C8orf34: variants seen among roughly 807,000 people sequenced by gnomAD.
C8orf34 encodes chromosome 8 open reading frame 34.
C8orf34 carries 65 observed loss-of-function variants against 68.3 expected under a neutral mutation model. The observed-to-expected ratio is 0.95, with a 90% CI of 0.78 to 1.17. The LOEUF is 1.17. C8orf34 is among the 50% of genes most tolerant of loss of function. C8orf34 has a pLI of 0.00. For synonymous variants in C8orf34, 244 were observed against 241.2 expected (o/e 1.01, Z -0.11); for missense variants, 664 against 655.4 (o/e 1.01, Z -0.14).
At chr8:68,588,642 A>C (rs1461775715) in intron 7 of C8orf34, among the ~76,000 whole-genome samples, 2 of 152,182 alleles carry the variant, frequency 1.3e-5, no homozygotes, top group Non-Finnish European at 2.9e-5. Context: ...ATGTGACAAA[A>C]GTCCAATGTG....
intron 7 of C8orf34, among the ~76,000 whole-genome samples, chr8:68,574,934 C>T (rs1563539028): frequency 1.3e-5 from 2 of 151,852 alleles, no homozygotes; most frequent in Non-Finnish European, 2.9e-5. Context: ...CATTTATAGA[C>T]ACTCCCTATT....
intron 9 of C8orf34, among the ~76,000 whole-genome samples, chr8:68,710,936 C>A (rs887616794): frequency 6.6e-6 from 1 of 152,176 alleles, no homozygotes; most frequent in Non-Finnish European, 1.5e-5. Context: ...CTACCTCCCC[C>A]GGGGAAGGTG....
At chr8:68,508,407 A>C (rs2129633120) in intron 5 of C8orf34, among the ~76,000 whole-genome samples, 1 of 152,318 alleles carries the variant, frequency 6.6e-6, no homozygotes, top group African/African-American at 2.4e-5. Context: ...ACTATATCCC[A>C]AAATCAATGG....
chr8:68,738,657 AT>A (rs1822189627), intron 10 of C8orf34, among the ~76,000 whole-genome samples: 1 of 152,018 alleles, frequency 6.6e-6, no homozygotes, highest in Non-Finnish European at 1.5e-5. Flanking sequence ...ATATAAGCAC[AT>A]CTATGCAGAT....
At chr8:68,527,064 A>G (rs1815027553) in intron 6 of C8orf34, among the ~76,000 whole-genome samples, 1 of 152,158 alleles carries the variant, frequency 6.6e-6, no homozygotes, top group East Asian at 1.9e-4. Context: ...TGAGTATATG[A>G]ACACCAAATT....
chr8:68,488,001 A>G (rs1298957258), intron 4 of C8orf34, 22 bp from the exon 5 acceptor site: 12 of 1,564,348 alleles, frequency 7.7e-6, no homozygotes, highest in African/African-American at 4.1e-5. Flanking sequence ...ACTTTTTTTT[A>G]TAAATCTCTT....
chr8:68,661,126 C>T (rs1368167841), intron 8 of C8orf34, among the ~76,000 whole-genome samples: 1 of 152,232 alleles, frequency 6.6e-6, no homozygotes, highest in Non-Finnish European at 1.5e-5. Context: ...ATCCCTGAGA[C>T]TGCCCTGGGG....
intron 8 of C8orf34, among the ~76,000 whole-genome samples, chr8:68,685,401 A>T (rs944245357): frequency 2.0e-5 from 3 of 152,162 alleles, no homozygotes; most frequent in African/African-American, 7.2e-5. Flanking sequence ...TGAACAACTA[A>T]GACTCAAAGT....
chr8:68,361,538 G>A (rs1191786963), intron 1 of C8orf34, among the ~76,000 whole-genome samples: 1 of 152,178 alleles, frequency 6.6e-6, no homozygotes, highest in Non-Finnish European at 1.5e-5. Flanking sequence ...TCGCTCATTA[G>A]GGGAAAATTC....
Position 68,705,111 on chromosome 8 carries a change from G to T in C8orf34, c.1242-3883G>T, listed in dbSNP as rs149238308. ...AGCCATGTGCAATGAGAGGCAGAGT[G>T]ATTCGGAAGATGAGTTTGCTTTTGG... is the stretch of plus-strand genomic sequence containing the variant. On this transcript the variant is annotated intron_variant, in intron 8 of 13. Coordinates refer to ENST00000518698, the MANE Select transcript of C8orf34 (RefSeq NM_052958.4). Among the ~76,000 whole-genome samples the T allele has an allele frequency of 5.4e-4, 82 of 152,300 alleles. 3 individuals carry two copies. In the East Asian group the frequency reaches 0.015, roughly 28 times the overall value.
intron 8 of C8orf34, among the ~76,000 whole-genome samples, chr8:68,665,276 G>A (rs1247984014): frequency 3.3e-5 from 5 of 152,180 alleles, no homozygotes; most frequent in African/African-American, 1.2e-4. Flanking sequence ...CAGGCAGTAG[G>A]CAGCAATGAG....
chr8:68,352,290 A>G (rs1806543647), intron 1 of C8orf34, among the ~76,000 whole-genome samples: 1 of 152,070 alleles, frequency 6.6e-6, no homozygotes, highest in South Asian at 2.1e-4. Context: ...TTACATTATT[A>G]TATTAAAATG....
At chr8:68,743,225 G>A (rs76590494) in intron 10 of C8orf34, among the ~76,000 whole-genome samples, 1 of 152,176 alleles carries the variant, frequency 6.6e-6, no homozygotes, top group Non-Finnish European at 1.5e-5. Context: ...GTATGATGAT[G>A]AATTTATGGA....
chr8:68,433,627 C>T (rs114298956), intron 1 of C8orf34, among the ~76,000 whole-genome samples: 82 of 152,230 alleles, frequency 5.4e-4, no homozygotes, highest in African/African-American at 1.9e-3. Flanking sequence ...GGGTTTTTAA[C>T]CTGAAGTCAT....
At chr8:68,818,081 C>T (rs1355367062) in intron 13 of C8orf34, among the ~76,000 whole-genome samples, 158 bp from the exon 14 acceptor site, 1 of 152,040 alleles carries the variant, frequency 6.6e-6, no homozygotes, top group Non-Finnish European at 1.5e-5. Flanking sequence ...ATATTGGCTG[C>T]AAATATGATT....
At chr8:68,592,600 T>G (rs1296984926) in intron 7 of C8orf34, among the ~76,000 whole-genome samples, 1 of 128,086 alleles carries the variant, frequency 7.8e-6, no homozygotes, top group Non-Finnish European at 1.7e-5. Context: ...TCTCTTCTTT[T>G]TTTTTTTTTT....
intron 5 of C8orf34, among the ~76,000 whole-genome samples, chr8:68,502,910 C>T (rs1813841992): frequency 6.6e-6 from 1 of 152,084 alleles, no homozygotes; most frequent in Non-Finnish European, 1.5e-5. Flanking sequence ...AACTTTAATC[C>T]AGATCTAACT....
At chr8:68,375,735 C>T (rs975434551) in intron 1 of C8orf34, among the ~76,000 whole-genome samples, 1 of 152,184 alleles carries the variant, frequency 6.6e-6, no homozygotes, top group African/African-American at 2.4e-5. Flanking sequence ...CTTACCTTGA[C>T]CTACTGTACT....
chr8:68,599,396 G>A (rs753478472), intron 7 of C8orf34, among the ~76,000 whole-genome samples: 20 of 151,864 alleles, frequency 1.3e-4, no homozygotes, highest in Non-Finnish European at 2.1e-4. Context: ...AATCTTAGCC[G>A]AAAGTAATCT....
Sources: gnomAD v4.1 joint callset for allele counts (sites outside exome capture counted in the v4.1 genomes callset) on GRCh38, gnomAD v4.1.1 for gene constraint, MANE v1.5 for transcripts, NCBI Gene and HGNC (gene_info 2026-07-23, HGNC 2026-07-21) for gene names.